The following FBXL17 variants were observed in gnomAD, a reference collection of about 807,000 sequenced individuals.
FBXL17 encodes F-box and leucine rich repeat protein 17, also known as F-box/LRR-repeat protein 17.
A neutral mutation model predicts 66.2 loss-of-function variants in FBXL17; 22 were observed. The observed-to-expected ratio is 0.33, with a 90% CI of 0.24 to 0.47. The LOEUF is 0.47. Ranked by LOEUF, FBXL17 falls within the 20% of genes least tolerant of loss-of-function variation. The probability of loss-of-function intolerance (pLI) is 1.00; values close to 1 mark genes in which losing one functional copy is unlikely to be tolerated. For synonymous variants in FBXL17, 474 were observed against 400.5 expected, an observed-to-expected ratio of 1.18 and a Z score of -2.19; for missense variants, 878 against 948.2, an observed-to-expected ratio of 0.93 and a Z score of 0.97.
chr5:107,947,558 G>A (rs1017350023), intron 7 of FBXL17, among the ~76,000 whole-genome samples: 1 of 152,324 alleles, frequency 6.6e-6, no homozygotes, highest in East Asian at 1.9e-4. Flanking sequence ...TTCCTAAGAT[G>A]AGAAGTTCTC....
intron 6 of FBXL17, among the ~76,000 whole-genome samples, chr5:108,060,725 C>T (rs184291192): frequency 4.6e-5 from 7 of 152,230 alleles, no homozygotes; most frequent in African/African-American, 1.7e-4. Context: ...CCATCCCCCC[C>T]TCCCACACAC....
chr5:108,083,486 C>T (rs1029431772), intron 6 of FBXL17, among the ~76,000 whole-genome samples: 4 of 152,078 alleles, frequency 2.6e-5, no homozygotes, highest in East Asian at 1.9e-4. Flanking sequence ...GTGCAACCTC[C>T]GCCACCCAGG....
rs145925305 is a variant in FBXL17 at position 108,166,123 on chromosome 5, T to C, written c.1745+19994A>G. On this transcript the variant is annotated intron_variant, in intron 6 of 8. Coordinates refer to ENST00000542267, the MANE Select transcript of FBXL17 (RefSeq NM_001163315.3). ...TCTATCTGACATTGAGGTATATATA[T>C]AATTCTACTGACAAATATCTCAGGA... Among the ~76,000 whole-genome samples the C allele has an allele frequency of 5.3e-4, 80 of 152,360 alleles. 1 individual carries two copies. The highest frequency in any genetic ancestry group is 6.8e-3 in the Middle Eastern group (2 of 292).
At chr5:108,343,995 T>C (rs184393334) in intron 4 of FBXL17, among the ~76,000 whole-genome samples, 79 of 152,220 alleles carry the variant, frequency 5.2e-4, no homozygotes, top group Admixed American at 9.8e-4. Flanking sequence ...TGATCCTCAA[T>C]AGAACATGTA....
chr5:108,173,358 C>G (rs752202773), intron 6 of FBXL17, among the ~76,000 whole-genome samples: 12 of 151,856 alleles, frequency 7.9e-5, no homozygotes, highest in Non-Finnish European at 1.8e-4. Context: ...TGTAACTAAC[C>G]TGCACATTGT....
chr5:108,176,304 C>T (rs185715468), intron 6 of FBXL17, among the ~76,000 whole-genome samples: 57 of 152,082 alleles, frequency 3.7e-4, no homozygotes, highest in African/African-American at 1.3e-3. Context: ...AAGCTAAATG[C>T]GTACCTCTGT....
At chr5:108,308,612 C>T (rs2150193454) in intron 4 of FBXL17, among the ~76,000 whole-genome samples, 1 of 152,124 alleles carries the variant, frequency 6.6e-6, no homozygotes, top group East Asian at 1.9e-4. Context: ...GCGATTATTC[C>T]ACAAAATAGC....
intron 6 of FBXL17, among the ~76,000 whole-genome samples, chr5:108,104,468 G>A (rs1317157714): frequency 6.6e-6 from 1 of 152,196 alleles, no homozygotes; most frequent in East Asian, 1.9e-4. Flanking sequence ...ATCACACTAA[G>A]TATAGGCTCA....
intron 7 of FBXL17, among the ~76,000 whole-genome samples, chr5:107,962,503 T>C (rs978887056): frequency 1.1e-4 from 17 of 152,262 alleles, no homozygotes; most frequent in African/African-American, 3.4e-4. Flanking sequence ...ATTACTGGGA[T>C]AGAAAATACC....
intron 4 of FBXL17, among the ~76,000 whole-genome samples, chr5:108,320,941 C>A (rs1363184405): frequency 6.6e-6 from 1 of 151,796 alleles, no homozygotes; most frequent in Admixed American, 6.6e-5. Context: ...TATCTGCGAA[C>A]CAAACTTTAT....
intron 4 of FBXL17, among the ~76,000 whole-genome samples, chr5:108,295,127 TATTA>T (rs1229294011): frequency 1.3e-5 from 2 of 151,954 alleles, no homozygotes. Flanking sequence ...CTGAAGGATA[TATTA>T]TTTACTGAAA....
At chr5:107,965,388 A>G (rs1312999834) in intron 7 of FBXL17, among the ~76,000 whole-genome samples, 1 of 152,186 alleles carries the variant, frequency 6.6e-6, no homozygotes, top group African/African-American at 2.4e-5. Context: ...GCAGAAATCA[A>G]TTGCAGAATT....
At chr5:108,351,680 C>T (rs1747665785) in intron 3 of FBXL17, among the ~76,000 whole-genome samples, 2 of 152,214 alleles carry the variant, frequency 1.3e-5, no homozygotes, top group African/African-American at 4.8e-5. Context: ...CTAAAGCTGA[C>T]ATCTTGCTCC....
chr5:107,927,397 T>C (rs1183552683), intron 7 of FBXL17, among the ~76,000 whole-genome samples: 1 of 152,158 alleles, frequency 6.6e-6, no homozygotes, highest in African/African-American at 2.4e-5. Flanking sequence ...GTGGATGTTG[T>C]AGACGGCCAA....
At chr5:108,280,892 C>T (rs185867825) in intron 4 of FBXL17, among the ~76,000 whole-genome samples, 3 of 151,624 alleles carry the variant, frequency 2.0e-5, no homozygotes, top group Admixed American at 2.0e-4. Context: ...ATAAAACAGA[C>T]ATTAAGTTAA....
chr5:108,310,225 G>A (rs1759051914), intron 4 of FBXL17, among the ~76,000 whole-genome samples: 1 of 152,068 alleles, frequency 6.6e-6, no homozygotes, highest in South Asian at 2.1e-4. Context: ...ACCTCCAAGT[G>A]GACTTCCGTC....
At chr5:108,205,245 G>A (rs1219909811) in intron 5 of FBXL17, among the ~76,000 whole-genome samples, 1 of 151,820 alleles carries the variant, frequency 6.6e-6, no homozygotes, top group South Asian at 2.1e-4. Flanking sequence ...TCCTTTATTG[G>A]CCTATGCACT....
chr5:108,353,981 A>G (rs1274320824), intron 3 of FBXL17, among the ~76,000 whole-genome samples: 1 of 152,112 alleles, frequency 6.6e-6, no homozygotes, highest in Non-Finnish European at 1.5e-5. Context: ...TTTTTTTCAG[A>G]TTTTTGAATA....
At chr5:107,905,992 A>G (rs1749743032) in intron 7 of FBXL17, among the ~76,000 whole-genome samples, 1 of 152,132 alleles carries the variant, frequency 6.6e-6, no homozygotes, top group African/African-American at 2.4e-5. Context: ...CCACATTGGG[A>G]ACCAATCTAA....
Sources: gnomAD v4.1 joint callset for allele counts (sites outside exome capture counted in the v4.1 genomes callset) on GRCh38, gnomAD v4.1.1 for gene constraint, MANE v1.5 for transcripts, NCBI Gene and HGNC (gene_info 2026-07-23, HGNC 2026-07-21) for gene names.